PRR16: variants seen among roughly 807,000 people sequenced by gnomAD.
PRR16 encodes the protein proline rich 16.
A neutral mutation model predicts 18.2 loss-of-function variants in PRR16; 6 were observed. The ratio of observed to expected loss-of-function variants is 0.33; its 90% CI spans 0.18 to 0.65. The LOEUF is 0.65. PRR16 is among the 30% of genes least tolerant of loss of function. PRR16 has a pLI of 0.74. For synonymous variants in PRR16, 151 were observed against 147.8 expected (o/e 1.02, Z -0.16); for missense variants, 412 against 376.6 (o/e 1.09, Z -0.78).
intron 1 of PRR16, among the ~76,000 whole-genome samples, chr5:120,472,233 G>T (rs964012639): frequency 1.3e-5 from 2 of 152,058 alleles, no homozygotes; most frequent in South Asian, 2.1e-4. Flanking sequence ...TCTGGAAAAA[G>T]AAAATTTGAT....
At chr5:120,766,430 CTTTTCTATTAT>C in the PRR16 span, among the ~76,000 whole-genome samples, 12 of 151,800 alleles carry the variant, frequency 7.9e-5, no homozygotes, top group Non-Finnish European at 2.9e-5. Flanking sequence ...TATTTTATTA[CTTTTCTATTAT>C]ATCTTTTTTT....
intron 1 of PRR16, among the ~76,000 whole-genome samples, chr5:120,670,039 A>G (rs1247467254): frequency 1.3e-5 from 2 of 152,120 alleles, no homozygotes; most frequent in Admixed American, 6.6e-5. Flanking sequence ...AAAATATGTA[A>G]TGTCTTTGAT....
the PRR16 span, among the ~76,000 whole-genome samples, chr5:120,762,032 C>A: frequency 3.3e-5 from 5 of 152,112 alleles, no homozygotes; most frequent in African/African-American, 1.2e-4. Context: ...ATGCATGTTA[C>A]TGAAAGTGAC....
chr5:120,745,295 G>A, the PRR16 span, among the ~76,000 whole-genome samples: 12 of 152,164 alleles, frequency 7.9e-5, no homozygotes, highest in Admixed American at 3.3e-4. Context: ...TGTTTGAAAT[G>A]TTTCTGCTTT....
chr5:120,574,351 C>G (rs1753006748), intron 1 of PRR16, among the ~76,000 whole-genome samples: 1 of 152,060 alleles, frequency 6.6e-6, no homozygotes, highest in African/African-American at 2.4e-5. Flanking sequence ...ATACCTGTAA[C>G]TCAGCACTTT....
the PRR16 span, among the ~76,000 whole-genome samples, chr5:120,780,057 G>A: frequency 6.6e-6 from 1 of 152,174 alleles, no homozygotes; most frequent in Non-Finnish European, 1.5e-5. Context: ...TTGGGAGCTA[G>A]ATATTAATGT....
the PRR16 span, among the ~76,000 whole-genome samples, chr5:120,700,121 A>G: frequency 6.6e-6 from 1 of 152,094 alleles, no homozygotes; most frequent in Non-Finnish European, 1.5e-5. Context: ...TGAGGATAGG[A>G]GAGTATATGG....
chr5:120,775,633 T>G, the PRR16 span, among the ~76,000 whole-genome samples: 20,095 of 135,816 alleles, frequency 0.15, 1,876 homozygotes, highest in African/African-American at 0.28. Context: ...TTCTTTCTCC[T>G]TTTTTTTTTT....
the PRR16 span, among the ~76,000 whole-genome samples, chr5:120,755,183 A>G: frequency 6.6e-6 from 1 of 151,882 alleles, no homozygotes. Flanking sequence ...TAAAACTTAG[A>G]GTATAATAAT....
the PRR16 span, among the ~76,000 whole-genome samples, chr5:120,793,417 G>A: frequency 1.3e-5 from 2 of 152,142 alleles, no homozygotes; most frequent in African/African-American, 2.4e-5. Flanking sequence ...AGTGGGTAGA[G>A]AAAGCTTTGA....
intron 1 of PRR16, among the ~76,000 whole-genome samples, chr5:120,512,391 T>C (rs1252070650): frequency 6.6e-6 from 1 of 152,046 alleles, no homozygotes. Context: ...GGAGAGGAGG[T>C]GGCAGTTCTC....
intron 1 of PRR16, among the ~76,000 whole-genome samples, chr5:120,588,353 G>A (rs59544589): frequency 6.6e-6 from 1 of 152,076 alleles, no homozygotes; most frequent in Non-Finnish European, 1.5e-5. Context: ...CATGCTACAC[G>A]TAAGTCTTTT....
At chr5:120,677,668 GC>G (rs752257518) in intron 1 of PRR16, among the ~76,000 whole-genome samples, 7 of 151,986 alleles carry the variant, frequency 4.6e-5, no homozygotes, top group Non-Finnish European at 7.4e-5. Flanking sequence ...GTTTGTTATT[GC>G]AAATTCTTGT....
chr5:120,536,515 A>T (rs948370250), intron 1 of PRR16, among the ~76,000 whole-genome samples: 5 of 152,266 alleles, frequency 3.3e-5, no homozygotes, highest in East Asian at 1.9e-4. Context: ...TCTTTTTTTT[A>T]AAAGTTAAGT....
At chr5:120,587,170 G>A (rs557684568) in intron 1 of PRR16, among the ~76,000 whole-genome samples, 1 of 152,150 alleles carries the variant, frequency 6.6e-6, no homozygotes, top group Non-Finnish European at 1.5e-5. Context: ...ATGTAGGAGA[G>A]AAATTTGGAG....
chr5:120,567,053 A>G (rs1429135046), intron 1 of PRR16, among the ~76,000 whole-genome samples: 1 of 151,942 alleles, frequency 6.6e-6, no homozygotes, highest in Non-Finnish European at 1.5e-5. Context: ...TGGGCCCTTC[A>G]TGTTTATCAA....
At chr5:120,670,286 A>G (rs966548056) in intron 1 of PRR16, among the ~76,000 whole-genome samples, 1 of 152,094 alleles carries the variant, frequency 6.6e-6, no homozygotes, top group Non-Finnish European at 1.5e-5. Flanking sequence ...GGCTTTTGCT[A>G]TGGATCCACT....
At chr5:120,695,795 T>C in the PRR16 span, among the ~76,000 whole-genome samples, 1 of 152,202 alleles carries the variant, frequency 6.6e-6, no homozygotes. Flanking sequence ...CTGACATGCC[T>C]TGCTGCACCT....
the PRR16 span, among the ~76,000 whole-genome samples, chr5:120,779,631 C>G: frequency 0.27 from 41,141 of 152,008 alleles, 5,923 homozygotes; most frequent in Non-Finnish European, 0.32. Flanking sequence ...AGCATTTATA[C>G]TGTAGTACTT....
Sources: allele counts gnomAD v4.1 joint callset (sites outside exome capture counted in the v4.1 genomes callset), GRCh38; gene constraint gnomAD v4.1.1; transcripts MANE v1.5; gene names NCBI Gene and HGNC (gene_info 2026-07-23, HGNC 2026-07-21).